The following IGSF21 variants were observed in gnomAD, a reference collection of about 807,000 sequenced individuals.
The protein encoded by IGSF21 is immunoglobulin superfamily member 21.
A neutral mutation model predicts 46.8 loss-of-function variants in IGSF21; 28 were observed. That is an observed-to-expected ratio of 0.60 (90% CI 0.44 to 0.82). The LOEUF is 0.82. Among genes scored for constraint, IGSF21 ranks in the 40% least tolerant of loss-of-function variants. IGSF21 has a pLI of 0.00. For synonymous variants in IGSF21, 284 were observed against 273.6 expected, an observed-to-expected ratio of 1.04 and a Z score of -0.38; for missense variants, 624 against 665.5, an observed-to-expected ratio of 0.94 and a Z score of 0.69.
intron 2 of IGSF21, among the ~76,000 whole-genome samples, chr1:18,232,209 C>CTTTT (rs55775011): frequency 9.5e-6 from 1 of 105,008 alleles, no homozygotes; most frequent in African/African-American, 3.5e-5. Context: ...CTCCAGACAG[C>CTTTT]TTTTTTTTGG....
At chr1:18,131,729 G>C (rs1329880632) in intron 1 of IGSF21, among the ~76,000 whole-genome samples, 2 of 152,154 alleles carry the variant, frequency 1.3e-5, no homozygotes, top group South Asian at 2.1e-4. Flanking sequence ...CTTCTGTCTT[G>C]TGGCTCTGCC....
chr1:18,201,775 T>C (rs1202932866), intron 1 of IGSF21, among the ~76,000 whole-genome samples: 1 of 152,132 alleles, frequency 6.6e-6, no homozygotes, highest in East Asian at 1.9e-4. Flanking sequence ...ATTTTGACCT[T>C]TATAGCCAAG....
chr1:18,116,287 C>G (rs1299702035), intron 1 of IGSF21, among the ~76,000 whole-genome samples: 1 of 152,174 alleles, frequency 6.6e-6, no homozygotes, highest in East Asian at 1.9e-4. Flanking sequence ...CCTGGGTATG[C>G]CCATCCTTCC....
chr1:18,211,718 G>A (rs1197999053), intron 1 of IGSF21, among the ~76,000 whole-genome samples: 1 of 152,196 alleles, frequency 6.6e-6, no homozygotes, highest in Non-Finnish European at 1.5e-5. Flanking sequence ...TTATAACCTA[G>A]CATAGACTGT....
chr1:18,301,081 C>A (rs934869607), intron 3 of IGSF21, among the ~76,000 whole-genome samples: 13 of 152,202 alleles, frequency 8.5e-5, no homozygotes, highest in Non-Finnish European at 1.6e-4. Flanking sequence ...CTTTCCCAAC[C>A]CATCATCTGG....
chr1:18,235,034 C>CAG (rs2124512645), intron 2 of IGSF21, among the ~76,000 whole-genome samples: 1 of 152,286 alleles, frequency 6.6e-6, no homozygotes, highest in Admixed American at 6.5e-5. Flanking sequence ...TGGAAACCGG[C>CAG]AGGGGTACCT....
At chr1:18,139,706 A>C (rs1557553308) in intron 1 of IGSF21, among the ~76,000 whole-genome samples, 1 of 152,080 alleles carries the variant, frequency 6.6e-6, no homozygotes, top group Non-Finnish European at 1.5e-5. Context: ...CAATTTCCTC[A>C]TCTGTGAGAT....
chr1:18,169,828 G>A (rs1245655221), intron 1 of IGSF21, among the ~76,000 whole-genome samples: 3 of 152,180 alleles, frequency 2.0e-5, no homozygotes, highest in Non-Finnish European at 4.4e-5. Context: ...ACAGAGATGA[G>A]CTGCCTGTTG....
chr1:18,241,012 A>C (rs979407383), intron 2 of IGSF21, among the ~76,000 whole-genome samples: 4 of 152,138 alleles, frequency 2.6e-5, no homozygotes, highest in African/African-American at 9.7e-5. Flanking sequence ...ATTCCCCAGG[A>C]GTAGGGTTAT....
chr1:18,325,397 G>A (rs973881111), intron 3 of IGSF21, among the ~76,000 whole-genome samples: 11 of 152,146 alleles, frequency 7.2e-5, no homozygotes, highest in African/African-American at 2.7e-4. Flanking sequence ...GTAAACAGAT[G>A]GATGGACTGA....
Position 18,175,688 on chromosome 1 carries a change from G to A in IGSF21, c.71-52210G>A, listed in dbSNP as rs183968617. On this transcript the variant is annotated intron_variant, in intron 1 of 9. Transcript: ENST00000251296. ...GGCTGTTCTGAACCTTCCTTCCCAC[G>A]AGGACTCTCTCACCAGGAGGTCACC... Among the ~76,000 whole-genome samples the A allele has an allele frequency of 2.2e-3, 340 of 152,244 alleles. 2 individuals are homozygous for A. Among genetic ancestry groups the A allele is most frequent in the African/African-American group, 7.6e-3 (315 of 41,562 alleles).
intron 4 of IGSF21, among the ~76,000 whole-genome samples, chr1:18,341,063 T>C (rs851446): frequency 0.34 from 23,751 of 68,878 alleles, 2,527 homozygotes; most frequent in Non-Finnish European, 0.39. Flanking sequence ...CTTCCTCTTC[T>C]TCTTCTTCTT....
intron 2 of IGSF21, among the ~76,000 whole-genome samples, chr1:18,232,219 G>GTTTTTTTTTTTT (rs2084635256): frequency 2.3e-4 from 1 of 4,370 alleles, no homozygotes. Context: ...CTTTTTTTTG[G>GTTTTTTTTTTTT]CTAATAGAGT....
At chr1:18,111,457 CATT>C (rs1309125793) in intron 1 of IGSF21, 2 of 152,168 alleles carry the variant, frequency 1.3e-5, no homozygotes, top group African/African-American at 4.8e-5. Flanking sequence ...TTAGAGGAAA[CATT>C]ATCACCCTCC....
At chr1:18,210,528 C>T (rs138452250) in intron 1 of IGSF21, among the ~76,000 whole-genome samples, 2,811 of 152,258 alleles carry the variant, frequency 0.018, 29 homozygotes, top group Non-Finnish European at 0.029. Flanking sequence ...CAGCTTTCGA[C>T]GGCCGGTCCT....
chr1:18,290,753 ACCTTTTTG>A lies in IGSF21; in HGVS notation c.184-1109_184-1102del, dbSNP rs2085257121. Among the ~76,000 whole-genome samples the A allele has an allele frequency of 6.6e-6, 1 of 151,750 alleles. No individual in the cohort carries two copies. Among genetic ancestry groups the A allele is most frequent in the African/African-American group, 2.4e-5 (1 of 41,260 alleles). ...GGGACAGATTCACACTCCAATCCTC[ACCTTTTTG>A]CCTGGGGAAGCTGCTTTCAGCATCC... is the stretch of plus-strand genomic sequence containing the variant. On this transcript the variant is annotated intron_variant, in intron 2 of 9. Transcript: ENST00000251296. The surrounding 1 kb of genome is among the most constrained non-coding windows in gnomAD (Gnocchi z 4.2).
chr1:18,302,103 G>T (rs1231399426), intron 3 of IGSF21, among the ~76,000 whole-genome samples: 1 of 152,038 alleles, frequency 6.6e-6, no homozygotes, highest in Non-Finnish European at 1.5e-5. Context: ...GACCTCTCAG[G>T]TTCCCACTTC....
chr1:18,332,736 T>C (rs1175880007), intron 3 of IGSF21, among the ~76,000 whole-genome samples: 1 of 152,176 alleles, frequency 6.6e-6, no homozygotes, highest in East Asian at 1.9e-4. Flanking sequence ...TCCCATTCTT[T>C]AAGTCCTTCC....
rs559204446 is a variant in IGSF21 at position 18,195,225 on chromosome 1, C to T, written c.71-32673C>T. Among the ~76,000 whole-genome samples, 5 of 152,314 alleles carry T rather than the reference C, an allele frequency of 3.3e-5. No homozygotes were observed. The South Asian group carries it at 8.3e-4, about 25-fold the overall frequency. ...GCCACAGAGCTAGAAAGTAGCAAAG[C>T]TGGATTTGCACCCAAGAGCGTCTTT... On this transcript the variant is annotated intron_variant, in intron 1 of 9. Coordinates refer to ENST00000251296, the MANE Select transcript of IGSF21 (RefSeq NM_032880.5).
Sources: gnomAD v4.1 joint callset for allele counts (sites outside exome capture counted in the v4.1 genomes callset) on GRCh38, gnomAD v4.1.1 for gene constraint, Gnocchi (gnomAD v3.1) non-coding constraint, MANE v1.5 for transcripts, NCBI Gene and HGNC (gene_info 2026-07-23, HGNC 2026-07-21) for gene names.